RAI14: variants seen among roughly 807,000 people sequenced by gnomAD.
RAI14 encodes retinoic acid induced 14.
RAI14 carries 45 observed loss-of-function variants against 115.4 expected under a neutral mutation model. The observed-to-expected ratio is 0.39, with a 90% CI of 0.31 to 0.50. The LOEUF (loss-of-function observed/expected upper bound fraction) is 0.50, where lower values mean the gene tolerates loss of function less well. Ranked by LOEUF, RAI14 falls within the 20% of genes least tolerant of loss-of-function variation. The pLI is 0.85. For synonymous variants in RAI14, 371 were observed against 415.4 expected, an observed-to-expected ratio of 0.89 and a Z score of 1.30; for missense variants, 939 against 1,131.2, an observed-to-expected ratio of 0.83 and a Z score of 2.44.
intron 3 of RAI14, among the ~76,000 whole-genome samples, chr5:34,792,048 A>G (rs556300072): frequency 6.6e-6 from 1 of 152,128 alleles, no homozygotes; most frequent in African/African-American, 2.4e-5. Context: ...GCTAGTGACT[A>G]TCTCCTCAAG....
intron 2 of RAI14, among the ~76,000 whole-genome samples, chr5:34,699,165 C>T (rs1403568627): frequency 3.3e-5 from 5 of 152,224 alleles, no homozygotes; most frequent in Admixed American, 3.3e-4. Context: ...CACTAAAATA[C>T]ACTTAGCTAC....
chr5:34,752,703 ATGTGTGTGTGTGTGTGTGTGTGTG>A (rs71600953), intron 2 of RAI14, among the ~76,000 whole-genome samples: 2 of 83,026 alleles, frequency 2.4e-5, no homozygotes, highest in Admixed American at 2.4e-4. Context: ...TCTTACATAT[ATGTGTGTGTGTGTGTGTGTGTGTG>A]TGTGTGTGTG....
rs560997392 is a variant in RAI14, at chr5:34,770,080, A to G, written c.167+12482A>G. Among the ~76,000 whole-genome samples the G allele has an allele frequency of 6.6e-5, 10 of 152,286 alleles. No individual in the cohort carries two copies. The South Asian group carries it at 1.7e-3, about 25-fold the overall frequency. On this transcript the variant is annotated intron_variant, in intron 3 of 17. Coordinates refer to ENST00000265109, the MANE Select transcript of RAI14 (RefSeq NM_015577.3). ...CAGTGGTCCTAAAAATCGAATGTGTATAAGAGTCATCTCCCGGGTAGGGGA... is the reference window on the plus strand; with the variant it reads ...CAGTGGTCCTAAAAATCGAATGTGTGTAAGAGTCATCTCCCGGGTAGGGGA...
intron 2 of RAI14, among the ~76,000 whole-genome samples, chr5:34,743,771 G>T (rs1211935627): frequency 6.6e-6 from 1 of 152,192 alleles, no homozygotes; most frequent in Non-Finnish European, 1.5e-5. Flanking sequence ...TTCACATGTT[G>T]AACTAACTAG....
intron 2 of RAI14, among the ~76,000 whole-genome samples, chr5:34,690,761 A>T (rs942410785): frequency 9.3e-6 from 1 of 107,782 alleles, no homozygotes; most frequent in Non-Finnish European, 2.3e-5. Flanking sequence ...AAACAGCATT[A>T]TGGAATTTCT....
intron 4 of RAI14, among the ~76,000 whole-genome samples, chr5:34,798,874 C>T (rs756000473): frequency 7.2e-5 from 11 of 152,246 alleles, no homozygotes; most frequent in Non-Finnish European, 1.3e-4. Context: ...GGCCACAGGA[C>T]ATTGTCCAAA....
At chr5:34,795,806 G>T (rs932967339) in intron 3 of RAI14, 133 bp from the exon 4 acceptor site, 3 of 581,342 alleles carry the variant, frequency 5.2e-6, no homozygotes, top group Non-Finnish European at 9.2e-6. Flanking sequence ...ATAATGCCTA[G>T]TCAGTGGGTG....
intron 2 of RAI14, among the ~76,000 whole-genome samples, chr5:34,720,408 T>C (rs907957942): frequency 3.6e-5 from 5 of 137,020 alleles, no homozygotes; most frequent in Admixed American, 7.3e-5. Context: ...CAGATTTTTT[T>C]TTTTTTTTTT....
At chr5:34,716,056 A>G in intron 2 of RAI14, 1 of 452,376 alleles carries the variant, frequency 2.2e-6, no homozygotes, top group Non-Finnish European at 4.4e-6. Flanking sequence ...GTCCTCTAGG[A>G]ATTTGAAATC....
chr5:34,729,223 C>A (rs2150017056), intron 2 of RAI14, among the ~76,000 whole-genome samples: 1 of 152,112 alleles, frequency 6.6e-6, no homozygotes, highest in East Asian at 1.9e-4. Flanking sequence ...GTGGCACACA[C>A]CTGTAGTCCC....
At chr5:34,750,473 T>G (rs533644849) in intron 2 of RAI14, among the ~76,000 whole-genome samples, 1 of 150,622 alleles carries the variant, frequency 6.6e-6, no homozygotes, top group East Asian at 1.9e-4. Context: ...CCACTCTGCC[T>G]TTTTTTTTAA....
At chr5:34,697,835 G>T (rs1739458763) in intron 2 of RAI14, among the ~76,000 whole-genome samples, 1 of 152,060 alleles carries the variant, frequency 6.6e-6, no homozygotes, top group African/African-American at 2.4e-5. Context: ...CATGACATCT[G>T]ACTCTCAAAT....
chr5:34,678,497 C>A (rs772694893), intron 1 of RAI14, among the ~76,000 whole-genome samples: 7 of 152,078 alleles, frequency 4.6e-5, no homozygotes, highest in Non-Finnish European at 8.8e-5. Flanking sequence ...GGACTCTAAT[C>A]CAGTATGACT....
rs923425874 is a variant in RAI14 at position 34,816,928 on chromosome 5, C to A, written c.940-1869C>A. On this transcript the variant is annotated intron_variant, in intron 12 of 17. Transcript: ENST00000265109. Reference sequence around the variant, plus strand: ...CTGAAAAAACAACAACAAAAAAAAACAAGATAAAAAGTGACATTTATTCCT... The same window carrying A: ...CTGAAAAAACAACAACAAAAAAAAAAAAGATAAAAAGTGACATTTATTCCT... 4.6e-5 allele frequency among the ~76,000 whole-genome samples: 7 copies of A among 151,332 alleles called. 1 individual carries two copies. Among genetic ancestry groups the A allele is most frequent in the Non-Finnish European group, 8.8e-5 (6 of 67,842 alleles).
intron 2 of RAI14, among the ~76,000 whole-genome samples, chr5:34,700,320 G>A (rs1739906818): frequency 6.6e-6 from 1 of 152,128 alleles, no homozygotes; most frequent in Admixed American, 6.5e-5. Flanking sequence ...TGTTCAGTGA[G>A]TTAAGTCCAG....
At position 34,665,033 on chromosome 5, in the gene RAI14, GTA is replaced by G. The variant is rs1465481872; in HGVS notation, c.-49+8566_-49+8567del. 2.0e-4 allele frequency among the ~76,000 whole-genome samples: 4 copies of G among 19,696 alleles called. 1 individual carries two copies. In the Admixed American group the frequency reaches 2.2e-3, roughly 11 times the overall value. 12.9% of individuals were successfully genotyped at this position (19,696 alleles called of 152,430 possible). ...TATATATATATGTGTATATATATAT[GTA>G]TATATATGTGTATATATATGTGTAT... On this transcript the variant is annotated intron_variant, in intron 1 of 17. Coordinates refer to ENST00000265109, the MANE Select transcript of RAI14 (RefSeq NM_015577.3).
At chr5:34,790,722 A>G (rs980052713) in intron 3 of RAI14, among the ~76,000 whole-genome samples, 2 of 150,124 alleles carry the variant, frequency 1.3e-5, no homozygotes, top group South Asian at 2.1e-4. Context: ...TATTATATAT[A>G]TAAGATGTAT....
At chr5:34,700,159 G>A (rs1291720082) in intron 2 of RAI14, among the ~76,000 whole-genome samples, 1 of 152,180 alleles carries the variant, frequency 6.6e-6, no homozygotes, top group East Asian at 1.9e-4. Context: ...ATAACAAAGG[G>A]TATGATTTAG....
At chr5:34,789,707 G>C (rs1752705695) in intron 3 of RAI14, among the ~76,000 whole-genome samples, 1 of 152,166 alleles carries the variant, frequency 6.6e-6, no homozygotes, top group Non-Finnish European at 1.5e-5. Context: ...CAGACTCTGT[G>C]CCATGCTTTG....
Sources: allele counts gnomAD v4.1 joint callset (sites outside exome capture counted in the v4.1 genomes callset), GRCh38; gene constraint gnomAD v4.1.1; transcripts MANE v1.5; gene names NCBI Gene and HGNC (gene_info 2026-07-23, HGNC 2026-07-21).